Variants in SPIDR observed in about 807,000 individuals in gnomAD.
SPIDR encodes the protein DNA repair-scaffolding protein.
In SPIDR, 93 loss-of-function variants were observed where a neutral mutation model predicts 104.6. The observed-to-expected ratio is 0.89, with a 90% confidence interval of 0.75 to 1.06. SPIDR has a LOEUF of 1.06. Ranked by LOEUF, SPIDR falls within the 50% of genes least tolerant of loss-of-function variation. The pLI, the probability that SPIDR is intolerant of heterozygous loss-of-function variation, is 0.00. For missense variants in SPIDR, 1,154 were observed against 1,111.2 expected, an observed-to-expected ratio of 1.04 and a Z score of -0.55; for synonymous variants, 431 against 416.9, an observed-to-expected ratio of 1.03 and a Z score of -0.41.
chr8:47,595,526 C>G (rs1011791421), intron 8 of SPIDR, among the ~76,000 whole-genome samples: 1 of 152,158 alleles, frequency 6.6e-6, no homozygotes, highest in African/African-American at 2.4e-5. Flanking sequence ...CTCCGTATTT[C>G]CCCCTGAGGG....
At chr8:47,453,559 A>G (rs1554707705) in intron 8 of SPIDR, among the ~76,000 whole-genome samples, 1 of 152,190 alleles carries the variant, frequency 6.6e-6, no homozygotes, top group African/African-American at 2.4e-5. Context: ...CAGAAATAAT[A>G]CCACACATCT....
At chr8:47,616,260 C>T (rs1346112710) in intron 10 of SPIDR, among the ~76,000 whole-genome samples, 4 of 152,164 alleles carry the variant, frequency 2.6e-5, no homozygotes, top group African/African-American at 9.7e-5. Context: ...TTGGGGAGAG[C>T]TCTCATTCTT....
intron 8 of SPIDR, among the ~76,000 whole-genome samples, chr8:47,487,388 TC>T: frequency 6.6e-6 from 1 of 152,102 alleles, no homozygotes; most frequent in African/African-American, 2.4e-5. Flanking sequence ...AGACTTAGAC[TC>T]CCACACAATA....
At chr8:47,613,150 C>T (rs756689086) in intron 10 of SPIDR, among the ~76,000 whole-genome samples, 6 of 152,168 alleles carry the variant, frequency 3.9e-5, no homozygotes, top group Non-Finnish European at 7.3e-5. Flanking sequence ...CAGTCCCTCC[C>T]CACTAACCCC....
At chr8:47,583,358 A>G (rs1248112625) in intron 8 of SPIDR, among the ~76,000 whole-genome samples, 5 of 151,408 alleles carry the variant, frequency 3.3e-5, no homozygotes, top group Non-Finnish European at 5.9e-5. Context: ...GATAATGTTC[A>G]TTGGTAGTGT....
chr8:47,389,379 G>T (rs1210570297), intron 5 of SPIDR, among the ~76,000 whole-genome samples: 1 of 152,046 alleles, frequency 6.6e-6, no homozygotes, highest in Non-Finnish European at 1.5e-5. Flanking sequence ...TTTTTTGTAA[G>T]GATGATTTGG....
At chr8:47,459,668 G>A (rs980652528) in intron 8 of SPIDR, among the ~76,000 whole-genome samples, 3 of 151,848 alleles carry the variant, frequency 2.0e-5, no homozygotes, top group African/African-American at 7.3e-5. Context: ...TCTTCTGCTG[G>A]TTTGGGTTTG....
chr8:47,273,283 A>C (rs890399902), intron 1 of SPIDR, among the ~76,000 whole-genome samples: 1 of 152,226 alleles, frequency 6.6e-6, no homozygotes, highest in Non-Finnish European at 1.5e-5. Flanking sequence ...TTAATTTGCT[A>C]TGTTGGCTCA....
chr8:47,419,905 C>T (rs2065108904), intron 7 of SPIDR, among the ~76,000 whole-genome samples: 1 of 152,002 alleles, frequency 6.6e-6, no homozygotes, highest in Non-Finnish European at 1.5e-5. Context: ...GCAGGTTGTT[C>T]AGTTTCCATG....
intron 11 of SPIDR, among the ~76,000 whole-genome samples, chr8:47,695,791 C>T (rs2079248601): frequency 6.6e-6 from 1 of 152,164 alleles, no homozygotes; most frequent in African/African-American, 2.4e-5. Context: ...ATAAATAACA[C>T]CAGCTATAAT....
At chr8:47,633,863 G>T (rs541725352) in intron 10 of SPIDR, among the ~76,000 whole-genome samples, 3 of 152,298 alleles carry the variant, frequency 2.0e-5, no homozygotes, top group African/African-American at 7.2e-5. Flanking sequence ...GGAGGCTGAG[G>T]TGGGCAGATT....
At chr8:47,416,700 C>A (rs2064366497) in intron 7 of SPIDR, among the ~76,000 whole-genome samples, 2 of 151,894 alleles carry the variant, frequency 1.3e-5, no homozygotes, top group African/African-American at 4.8e-5. Context: ...ATATATGTGC[C>A]ATGTTGGTGT....
At position 47,729,708 on chromosome 8, in the gene SPIDR, G is replaced by A. The variant is rs143367868; in HGVS notation, c.2604+243G>A. ...AGGTAGATGCAGGAATCTGTCCCCT[G>A]GCTTTTTTGTTTGTTTTTGTTTTTG... On this transcript the variant is annotated intron_variant, in intron 19 of 19. Coordinates refer to ENST00000297423, the MANE Select transcript of SPIDR (RefSeq NM_001080394.4). 2.0e-3 allele frequency: 1,036 copies of A among 518,918 alleles called. 15 individuals carry two copies. Among genetic ancestry groups the A allele is most frequent in the African/African-American group, 0.019 (966 of 51,720 alleles). 32.1% of individuals were successfully genotyped at this position (518,918 alleles called of 1,614,324 possible).
At chr8:47,560,949 G>A (rs1180437886) in intron 8 of SPIDR, among the ~76,000 whole-genome samples, 3 of 152,166 alleles carry the variant, frequency 2.0e-5, no homozygotes, top group East Asian at 1.9e-4. Flanking sequence ...TGGGTGTAGC[G>A]TTAGATTACC....
chr8:47,732,468 AC>A (rs2085420181), intron 19 of SPIDR: 1 of 455,706 alleles, frequency 2.2e-6, no homozygotes, highest in African/African-American at 2.0e-5. Flanking sequence ...CCTTAGTATC[AC>A]CTTTTTGGGT....
At chr8:47,495,422 C>G (rs769420055) in intron 8 of SPIDR, among the ~76,000 whole-genome samples, 41 of 151,884 alleles carry the variant, frequency 2.7e-4, no homozygotes, top group African/African-American at 9.4e-4. Flanking sequence ...ACATAGTATA[C>G]AATTCTTCAT....
At chr8:47,675,131 G>C (rs1267121713) in intron 11 of SPIDR, among the ~76,000 whole-genome samples, 1 of 152,148 alleles carries the variant, frequency 6.6e-6, no homozygotes, top group Non-Finnish European at 1.5e-5. Context: ...CTGCCTCCCA[G>C]ATTCAAGCGA....
At chr8:47,296,761 T>A (rs991321055) in intron 5 of SPIDR, among the ~76,000 whole-genome samples, 3 of 152,234 alleles carry the variant, frequency 2.0e-5, no homozygotes, top group African/African-American at 7.2e-5. Flanking sequence ...GTTTTAGGAT[T>A]GTTTTATTCT....
At chr8:47,521,929 G>A (rs908901286) in intron 8 of SPIDR, among the ~76,000 whole-genome samples, 4 of 151,450 alleles carry the variant, frequency 2.6e-5, no homozygotes, top group South Asian at 2.1e-4. Flanking sequence ...TTGGGGAGGC[G>A]GAGGCGGGTG....
Sources: allele counts gnomAD v4.1 joint callset (sites outside exome capture counted in the v4.1 genomes callset), GRCh38; gene constraint gnomAD v4.1.1; transcripts MANE v1.5; gene names NCBI Gene and HGNC (gene_info 2026-07-23, HGNC 2026-07-21).